SCLT1: variants seen among roughly 807,000 people sequenced by gnomAD.
SCLT1 encodes sodium channel-associated protein 1.
In SCLT1, 78 loss-of-function variants were observed where a neutral mutation model predicts 112.8. The observed-to-expected ratio is 0.69, with a 90% CI of 0.58 to 0.83. SCLT1 has a LOEUF of 0.83. Among genes scored for constraint, SCLT1 ranks in the 40% least tolerant of loss-of-function variants. SCLT1 has a pLI of 0.00. For synonymous variants in SCLT1, 257 were observed against 254.7 expected (o/e 1.01, Z -0.09); for missense variants, 747 against 770.4 (o/e 0.97, Z 0.36).
At chr4:129,008,252 G>T (rs968609670) in intron 5 of SCLT1, among the ~76,000 whole-genome samples, 3 of 152,094 alleles carry the variant, frequency 2.0e-5, no homozygotes, top group Non-Finnish European at 4.4e-5. Context: ...ATCTGAAAAT[G>T]TACTTATTTA....
At chr4:128,976,520 C>T (rs1373071151) in intron 9 of SCLT1, among the ~76,000 whole-genome samples, 1 of 152,060 alleles carries the variant, frequency 6.6e-6, no homozygotes, top group Non-Finnish European at 1.5e-5. Flanking sequence ...TGAGGTGCTG[C>T]AATAATGTGG....
intron 5 of SCLT1, among the ~76,000 whole-genome samples, chr4:129,031,806 C>T (rs1434706421): frequency 6.6e-6 from 1 of 151,382 alleles, no homozygotes; most frequent in Non-Finnish European, 1.5e-5. Flanking sequence ...CAAGAGAGGA[C>T]AGAAACAAAT....
intron 8 of SCLT1, among the ~76,000 whole-genome samples, chr4:128,995,160 T>C (rs1742903521): frequency 6.6e-6 from 1 of 152,196 alleles, no homozygotes; most frequent in Admixed American, 6.5e-5. Context: ...GTAAGAGGTG[T>C]TAGATTTAAG....
intron 4 of SCLT1, among the ~76,000 whole-genome samples, chr4:129,042,359 C>T (rs921976318): frequency 5.3e-5 from 8 of 152,120 alleles, no homozygotes; most frequent in African/African-American, 1.7e-4. Context: ...ACTCTAAACA[C>T]GTAGCTCACT....
intron 5 of SCLT1, among the ~76,000 whole-genome samples, chr4:129,034,801 TAAAAC>T (rs1747040233): frequency 6.6e-6 from 1 of 152,044 alleles, no homozygotes; most frequent in Admixed American, 6.6e-5. Context: ...CATAGTCACA[TAAAAC>T]AAAGCCATCA....
intron 17 of SCLT1, 47 bp downstream of exon 17, chr4:128,942,949 T>C (rs1170731306): frequency 2.8e-6 from 4 of 1,410,048 alleles, no homozygotes; most frequent in Non-Finnish European, 2.9e-6. Context: ...ATATTCTCTA[T>C]ACTTTGATTT....
intron 6 of SCLT1, among the ~76,000 whole-genome samples, chr4:129,001,918 A>G (rs898382660): frequency 6.6e-6 from 1 of 152,072 alleles, no homozygotes; most frequent in African/African-American, 2.4e-5. Context: ...GAAATCAATT[A>G]TAAATCTTTC....
At chr4:128,999,599 T>C (rs1743287072) in intron 7 of SCLT1, 73 bp downstream of exon 7, 1 of 1,090,060 alleles carries the variant, frequency 9.2e-7, no homozygotes, top group African/African-American at 1.6e-5. Context: ...TCTTAAGCGT[T>C]CCCCTCTAAA....
chr4:128,935,012 T>A lies in SCLT1; in HGVS notation c.1829+1643A>T, dbSNP rs971877595. On this transcript the variant is annotated intron_variant, in intron 18 of 20. Coordinates refer to ENST00000281142, the MANE Select transcript of SCLT1 (RefSeq NM_144643.4). Reference sequence around the variant, plus strand: ...TTTTTAAGGAATATTTTTGAAAAAATAACCATGAAGGAATATTAAATGTTA... The same window carrying A: ...TTTTTAAGGAATATTTTTGAAAAAAAAACCATGAAGGAATATTAAATGTTA... 5.9e-5 allele frequency among the ~76,000 whole-genome samples: 9 copies of A among 152,058 alleles called. No individual in the cohort carries two copies. The East Asian group carries it at 9.6e-4, about 16-fold the overall frequency.
chr4:129,083,779 T>A (rs753199940), intron 1 of SCLT1, among the ~76,000 whole-genome samples: 115 of 152,340 alleles, frequency 7.5e-4, no homozygotes, highest in Middle Eastern at 3.4e-3. Flanking sequence ...GAGAAATCTG[T>A]AGCTTTAATT....
intron 5 of SCLT1, among the ~76,000 whole-genome samples, chr4:129,031,219 T>C (rs956169062): frequency 4.6e-5 from 7 of 152,118 alleles, no homozygotes; most frequent in East Asian, 3.9e-4. Context: ...AACCACATGA[T>C]TATCTCAATA....
intron 18 of SCLT1, among the ~76,000 whole-genome samples, chr4:128,929,085 A>C (rs954377967): frequency 1.3e-5 from 2 of 152,208 alleles, no homozygotes; most frequent in Non-Finnish European, 2.9e-5. Context: ...AGTTATTTGA[A>C]AGAGATAAAA....
intron 2 of SCLT1, among the ~76,000 whole-genome samples, chr4:129,051,847 A>C (rs1748826334): frequency 6.6e-6 from 1 of 152,120 alleles, no homozygotes; most frequent in African/African-American, 2.4e-5. Context: ...ATTTGGTATG[A>C]CGTTGGCTGT....
At chr4:128,945,789 C>T (rs1297666169) in intron 16 of SCLT1, among the ~76,000 whole-genome samples, 1 of 152,036 alleles carries the variant, frequency 6.6e-6, no homozygotes, top group African/African-American at 2.4e-5. Flanking sequence ...AGAAAGGATA[C>T]ATTTAAAAGA....
At chr4:129,085,455 C>T (rs183642092) in intron 1 of SCLT1, among the ~76,000 whole-genome samples, 4 of 152,230 alleles carry the variant, frequency 2.6e-5, no homozygotes, top group South Asian at 4.1e-4. Flanking sequence ...GACAGTGTGG[C>T]GATTCCTCAA....
intron 8 of SCLT1, among the ~76,000 whole-genome samples, chr4:128,993,088 T>G (rs1458358943): frequency 6.6e-6 from 1 of 152,008 alleles, no homozygotes; most frequent in Non-Finnish European, 1.5e-5. Flanking sequence ...CTGAGCTCAC[T>G]GACTTCATAT....
chr4:129,071,572 T>C (rs1561050664), intron 2 of SCLT1, among the ~76,000 whole-genome samples: 1 of 151,730 alleles, frequency 6.6e-6, no homozygotes, highest in Non-Finnish European at 1.5e-5. Flanking sequence ...CTTTAAAGTT[T>C]TTTTTGTTTT....
intron 11 of SCLT1, among the ~76,000 whole-genome samples, chr4:128,960,527 C>T (rs143635571): frequency 1.2e-4 from 19 of 152,256 alleles, no homozygotes; most frequent in East Asian, 3.9e-4. Flanking sequence ...ATATTTTCCT[C>T]CTTTTGTAAG....
intron 9 of SCLT1, among the ~76,000 whole-genome samples, chr4:128,989,047 C>G (rs752356472): frequency 2.0e-5 from 3 of 151,866 alleles, no homozygotes; most frequent in Admixed American, 6.6e-5. Context: ...TTCAACACCC[C>G]TCTTTCAGAA....
Sources: allele counts gnomAD v4.1 joint callset (sites outside exome capture counted in the v4.1 genomes callset), GRCh38; gene constraint gnomAD v4.1.1; transcripts MANE v1.5; gene names NCBI Gene and HGNC (gene_info 2026-07-23, HGNC 2026-07-21).